The following DCC variants were observed in gnomAD, a reference collection of about 807,000 sequenced individuals.
DCC encodes the protein netrin receptor DCC.
Under a neutral mutation model 172.5 loss-of-function variants are expected in DCC, and 58 were observed. The ratio of observed to expected loss-of-function variants is 0.34; its 90% CI spans 0.27 to 0.42. The LOEUF is 0.42. Among genes scored for constraint, DCC ranks in the 10% least tolerant of loss-of-function variants. DCC has a pLI of 1.00. For missense variants in DCC, 1,740 were observed against 1,791.0 expected (o/e 0.97, Z 0.51); for synonymous variants, 709 against 644.5 (o/e 1.10, Z -1.52).
At chr18:53,022,880 T>A (rs1350627628) in intron 5 of DCC, among the ~76,000 whole-genome samples, 2 of 152,146 alleles carry the variant, frequency 1.3e-5, no homozygotes, top group East Asian at 3.9e-4. Flanking sequence ...TATTGGATTT[T>A]TCCAGTACAT....
chr18:53,308,929 C>A (rs1280534535), intron 13 of DCC, among the ~76,000 whole-genome samples: 1 of 152,162 alleles, frequency 6.6e-6, no homozygotes, highest in Non-Finnish European at 1.5e-5. Context: ...CTCCTAACTG[C>A]TGGGGTTACC....
At chr18:52,369,240 GT>G (rs561599819) in intron 1 of DCC, among the ~76,000 whole-genome samples, 3 of 150,028 alleles carry the variant, frequency 2.0e-5, no homozygotes, top group Non-Finnish European at 4.4e-5. Context: ...TTCTTTGTGG[GT>G]TTTTTTTCTT....
chr18:52,560,519 A>G (rs952173087), intron 1 of DCC, among the ~76,000 whole-genome samples: 1 of 152,188 alleles, frequency 6.6e-6, no homozygotes, highest in East Asian at 1.9e-4. Flanking sequence ...GAGCCTGTTT[A>G]TGAACTAGTG....
chr18:53,254,681 A>G lies in DCC; in HGVS notation c.1911+39084A>G, dbSNP rs1598950793. The stretch of plus-strand genomic sequence containing the variant: ...CTAGGGAAAGTTTATTAGCAGGTGC[A>G]TTTAAAATAATTCTCTAGTGATTAT... On this transcript the variant is annotated intron_variant, in intron 12 of 28. Transcript: ENST00000442544. 2.0e-5 allele frequency among the ~76,000 whole-genome samples: 3 copies of G among 152,024 alleles called. No individual in the cohort carries two copies. In the East Asian group the frequency reaches 5.8e-4, roughly 29 times the overall value.
rs1412411605 is a variant in DCC, at chr18:53,505,640, G to C, written c.4111+6130G>C. Among the ~76,000 whole-genome samples, 3 of 152,178 alleles carry C rather than the reference G, an allele frequency of 2.0e-5. No individual in the cohort carries two copies. In the East Asian group the frequency reaches 5.8e-4, roughly 29 times the overall value. Reference sequence around the variant, plus strand: ...AATACAATGAAACTCTGAGGTTAAAGTATTCAGTGGCCATCCAGATAATCG... The same window carrying C: ...AATACAATGAAACTCTGAGGTTAAACTATTCAGTGGCCATCCAGATAATCG... On this transcript the variant is annotated intron_variant, in intron 27 of 28. Transcript: ENST00000442544.
At chr18:52,730,638 G>A (rs2036624684) in intron 1 of DCC, among the ~76,000 whole-genome samples, 1 of 152,144 alleles carries the variant, frequency 6.6e-6, no homozygotes, top group Non-Finnish European at 1.5e-5. Flanking sequence ...TGCTGGCTAT[G>A]AGTACAGCAT....
At chr18:52,662,599 G>A (rs2035381363) in intron 1 of DCC, among the ~76,000 whole-genome samples, 3 of 144,764 alleles carry the variant, frequency 2.1e-5, no homozygotes, top group African/African-American at 5.2e-5. Context: ...AAGAAAGGGA[G>A]GGAAAGAGAG....
chr18:52,981,584 G>A (rs1298917367), intron 5 of DCC, among the ~76,000 whole-genome samples: 1 of 151,946 alleles, frequency 6.6e-6, no homozygotes, highest in Non-Finnish European at 1.5e-5. Context: ...TCACAGATAT[G>A]TCTCTATAGG....
chr18:52,696,104 C>A (rs1043592706), intron 1 of DCC, among the ~76,000 whole-genome samples: 1 of 152,164 alleles, frequency 6.6e-6, no homozygotes, highest in Admixed American at 6.5e-5. Flanking sequence ...AGTGCATACA[C>A]TAAAGCATAT....
chr18:52,884,875 T>C (rs975988448), intron 2 of DCC, among the ~76,000 whole-genome samples: 3 of 152,154 alleles, frequency 2.0e-5, no homozygotes, highest in Non-Finnish European at 4.4e-5. Context: ...GGAACTTGGG[T>C]ACAAAGCCTA....
chr18:53,409,517 G>T (rs1251153352), intron 19 of DCC, among the ~76,000 whole-genome samples: 2 of 152,170 alleles, frequency 1.3e-5, no homozygotes. Context: ...CACCTATCAT[G>T]AGCGCCTTTA....
At chr18:53,487,413 A>C (rs1242594075) in intron 26 of DCC, among the ~76,000 whole-genome samples, 2 of 152,120 alleles carry the variant, frequency 1.3e-5, no homozygotes, top group African/African-American at 4.8e-5. Context: ...AAAATTAATT[A>C]TCAGAAAAAA....
Position 52,905,575 on chromosome 18 carries a change from G to A in DCC, c.413-469G>A, listed in dbSNP as rs536461376. On this transcript the variant is annotated intron_variant, in intron 2 of 28. Coordinates refer to ENST00000442544, the MANE Select transcript of DCC (RefSeq NM_005215.4). ...TCTTGAAGCTGCTCTAGGTCATGCC[G>A]TATGACGAGTCCTTCATGAATCTTC... 3.9e-5 allele frequency among the ~76,000 whole-genome samples: 6 copies of A among 152,228 alleles called. No homozygotes were observed. The South Asian group carries it at 6.2e-4, about 16-fold the overall frequency.
At chr18:52,685,755 T>C (rs1193676505) in intron 1 of DCC, among the ~76,000 whole-genome samples, 1 of 152,150 alleles carries the variant, frequency 6.6e-6, no homozygotes, top group Non-Finnish European at 1.5e-5. Flanking sequence ...AGTACTATTA[T>C]ATTTTCAAAT....
At chr18:52,423,941 G>A (rs1279916377) in intron 1 of DCC, among the ~76,000 whole-genome samples, 4 of 151,980 alleles carry the variant, frequency 2.6e-5, no homozygotes, top group South Asian at 2.1e-4. Flanking sequence ...AGACCCTTTC[G>A]CTTCCGTTCC....
chr18:52,711,287 G>A (rs1282007123), intron 1 of DCC, among the ~76,000 whole-genome samples: 1 of 152,010 alleles, frequency 6.6e-6, no homozygotes, highest in Non-Finnish European at 1.5e-5. Context: ...GAGTGCAATG[G>A]CGCAATCTTG....
At chr18:52,699,906 T>C (rs1421848814) in intron 1 of DCC, among the ~76,000 whole-genome samples, 1 of 152,180 alleles carries the variant, frequency 6.6e-6, no homozygotes, top group African/African-American at 2.4e-5. Context: ...CAATGGTCTT[T>C]AGTATATTCA....
At chr18:52,802,196 C>T (rs2038002022) in intron 2 of DCC, among the ~76,000 whole-genome samples, 1 of 151,928 alleles carries the variant, frequency 6.6e-6, no homozygotes, top group South Asian at 2.1e-4. Flanking sequence ...TTAGGAAGAC[C>T]ACCCCTGAGC....
intron 1 of DCC, among the ~76,000 whole-genome samples, chr18:52,597,549 A>G (rs2033934117): frequency 6.6e-6 from 1 of 152,198 alleles, no homozygotes; most frequent in African/African-American, 2.4e-5. Context: ...TAGCTGCCAA[A>G]ACTGGTCTAG....
Sources: gnomAD v4.1 joint callset for allele counts (sites outside exome capture counted in the v4.1 genomes callset) on GRCh38, gnomAD v4.1.1 for gene constraint, MANE v1.5 for transcripts, NCBI Gene and HGNC (gene_info 2026-07-23, HGNC 2026-07-21) for gene names.